Variants in ACER2 observed in about 807,000 individuals in gnomAD.
ACER2 encodes the protein alkCDase 2.
Under a neutral mutation model 34.7 loss-of-function variants are expected in ACER2, and 26 were observed. The observed-to-expected ratio is 0.75, with a 90% confidence interval of 0.55 to 1.04. The LOEUF (loss-of-function observed/expected upper bound fraction) is 1.04, where lower values mean the gene tolerates loss of function less well. ACER2 is among the 50% of genes least tolerant of loss of function. ACER2 has a pLI of 0.00. For synonymous variants in ACER2, 138 were observed against 132.1 expected, an observed-to-expected ratio of 1.04 and a Z score of -0.31; for missense variants, 352 against 340.8, an observed-to-expected ratio of 1.03 and a Z score of -0.26.
intron 4 of ACER2, among the ~76,000 whole-genome samples, chr9:19,442,921 C>T (rs763562860): frequency 6.6e-6 from 1 of 152,018 alleles, no homozygotes; most frequent in Non-Finnish European, 1.5e-5. Flanking sequence ...CAACCTCCGC[C>T]TCCTGGGTTC....
chr9:19,445,110 G>T (rs920479803), intron 4 of ACER2, among the ~76,000 whole-genome samples: 8 of 152,234 alleles, frequency 5.3e-5, no homozygotes, highest in Non-Finnish European at 1.0e-4. Flanking sequence ...GACTGACCCA[G>T]GAGTGGTCCC....
At chr9:19,409,288 C>G (rs1830011472) in intron 1 of ACER2, 96 bp downstream of exon 1, 2 of 1,189,186 alleles carry the variant, frequency 1.7e-6, no homozygotes, top group Non-Finnish European at 2.4e-6. Context: ...TCTCTGCGCG[C>G]ATCTGGGGGC....
intron 3 of ACER2, among the ~76,000 whole-genome samples, chr9:19,433,667 G>T (rs1830835830): frequency 6.6e-6 from 1 of 152,252 alleles, no homozygotes; most frequent in Non-Finnish European, 1.5e-5. Flanking sequence ...ATGAGCTGTT[G>T]GGCACACCTC....
At chr9:19,441,399 C>G (rs1365983549) in intron 4 of ACER2, among the ~76,000 whole-genome samples, 4 of 152,134 alleles carry the variant, frequency 2.6e-5, no homozygotes, top group African/African-American at 9.7e-5. Context: ...GATAAAGTTC[C>G]AAATCCTTGA....
At chr9:19,424,893 A>G (rs542701407) in intron 3 of ACER2, 52 bp downstream of exon 3, 9 of 1,601,804 alleles carry the variant, frequency 5.6e-6, no homozygotes, top group East Asian at 2.2e-5. Context: ...AGTACCCAAT[A>G]TAACAATGTA....
At chr9:19,410,530 C>T (rs534932796) in intron 1 of ACER2, among the ~76,000 whole-genome samples, 63 of 152,164 alleles carry the variant, frequency 4.1e-4, no homozygotes, top group African/African-American at 1.5e-3. Context: ...GGCAACATGG[C>T]GAAACCTCAT....
At chr9:19,437,857 C>G (rs886204434) in intron 4 of ACER2, among the ~76,000 whole-genome samples, 3 of 152,214 alleles carry the variant, frequency 2.0e-5, no homozygotes, top group Non-Finnish European at 4.4e-5. Context: ...ACTCTTTGTG[C>G]TTTTACATTG....
intron 1 of ACER2, among the ~76,000 whole-genome samples, chr9:19,421,532 AT>A (rs1270818014): frequency 6.6e-6 from 1 of 152,246 alleles, no homozygotes. Context: ...GTTATGTGAA[AT>A]ATTTAGAATA....
At chr9:19,426,358 T>TTCTCTCTCTC (rs59963606) in intron 3 of ACER2, among the ~76,000 whole-genome samples, 17 of 118,320 alleles carry the variant, frequency 1.4e-4, no homozygotes, top group African/African-American at 4.2e-4. Flanking sequence ...CTCCCTCTCT[T>TTCTCTCTCTC]TCTCTCTCTC....
At chr9:19,446,466 C>T (rs1831368343) in intron 5 of ACER2, 48 bp downstream of exon 5, 1 of 1,612,078 alleles carries the variant, frequency 6.2e-7, no homozygotes, top group Admixed American at 1.7e-5. Context: ...TGTGTTTGCA[C>T]TTGCTGTTGG....
chr9:19,450,736 G>C lies in ACER2; in HGVS notation c.*100G>C. On this transcript the variant is annotated 3_prime_UTR_variant, in exon 6 of 6. Transcript: ENST00000340967. ...GGGAGTTCGAATAGTTGGGGTGTGG[G>C]CTATCTTTTCAAAAATCTATTTGCT... 1 of 1,199,504 alleles carries C rather than the reference G, an allele frequency of 8.3e-7. No individual in the cohort carries two copies. The highest frequency in any genetic ancestry group is 1.1e-6 in the Non-Finnish European group (1 of 893,450). The allele number at this position is 1,199,504 out of a possible 1,614,324, so 74.3% of individuals were successfully genotyped here.
intron 1 of ACER2, among the ~76,000 whole-genome samples, chr9:19,413,125 T>C (rs769792829): frequency 1.3e-5 from 2 of 152,214 alleles, no homozygotes; most frequent in Non-Finnish European, 2.9e-5. Flanking sequence ...ACAAAACATT[T>C]TGCTTTGGCC....
At chr9:19,421,726 T>C (rs181163500) in intron 1 of ACER2, among the ~76,000 whole-genome samples, 13 of 152,182 alleles carry the variant, frequency 8.5e-5, no homozygotes, top group African/African-American at 2.7e-4. Context: ...TTGTACACTT[T>C]AAAATGGTTA....
chr9:19,438,719 G>C (rs1262570963), intron 4 of ACER2, among the ~76,000 whole-genome samples: 1 of 152,204 alleles, frequency 6.6e-6, no homozygotes, highest in African/African-American at 2.4e-5. Context: ...TAACTCTTGA[G>C]TGTAATAATA....
chr9:19,420,301 A>G (rs981099106), intron 1 of ACER2, among the ~76,000 whole-genome samples: 4 of 152,090 alleles, frequency 2.6e-5, no homozygotes, highest in African/African-American at 9.7e-5. Flanking sequence ...CTATTTTTGA[A>G]TGTGATTTTT....
Position 19,409,209 on chromosome 9 carries a change from CG to C in ACER2, c.108+21del. ...TACAACACGGTGCGGGGCGCGGGAG[CG>C]GGGAAGGCAGGCGGGCCAGCGGGAG... On this transcript the variant is annotated intron_variant, in intron 1 of 5. Transcript: ENST00000340967. 6.4e-7 allele frequency: 1 copy of C among 1,565,854 alleles called. No individual in the cohort carries two copies. The highest frequency in any genetic ancestry group is 2.4e-5 in the East Asian group (1 of 42,476).
chr9:19,415,266 T>A (rs1356216836), intron 1 of ACER2, among the ~76,000 whole-genome samples: 1 of 152,058 alleles, frequency 6.6e-6, no homozygotes, highest in East Asian at 1.9e-4. Flanking sequence ...TGAGGTGGGC[T>A]GATCACTTGA....
chr9:19,439,882 A>G (rs998070276), intron 4 of ACER2, among the ~76,000 whole-genome samples: 4 of 152,132 alleles, frequency 2.6e-5, no homozygotes, highest in Non-Finnish European at 5.9e-5. Context: ...CAGGAGAATC[A>G]CTTGAATCCA....
chr9:19,412,674 A>G (rs1486427588), intron 1 of ACER2, among the ~76,000 whole-genome samples: 1 of 148,898 alleles, frequency 6.7e-6, no homozygotes, highest in African/African-American at 2.5e-5. Flanking sequence ...AAAAAAAAAA[A>G]ACCAGCATGT....
Sources: allele counts gnomAD v4.1 joint callset (sites outside exome capture counted in the v4.1 genomes callset), GRCh38; gene constraint gnomAD v4.1.1; transcripts MANE v1.5; gene names NCBI Gene and HGNC (gene_info 2026-07-23, HGNC 2026-07-21).